RFC3: variants seen among roughly 807,000 people sequenced by gnomAD.
RFC3 encodes the protein replication factor C subunit 3.
In RFC3, 41 loss-of-function variants were observed where a neutral mutation model predicts 45.1. That is an observed-to-expected ratio of 0.91 (90% CI 0.71 to 1.18). The LOEUF (loss-of-function observed/expected upper bound fraction) is 1.18, where lower values mean the gene tolerates loss of function less well. Among genes scored for constraint, RFC3 ranks in the 50% most tolerant of loss-of-function variants. The probability of loss-of-function intolerance (pLI) is 0.00; values close to 1 mark genes in which losing one functional copy is unlikely to be tolerated. For synonymous variants in RFC3, 149 were observed against 144.0 expected (o/e 1.03, Z -0.25); for missense variants, 423 against 428.1 (o/e 0.99, Z 0.10).
intron 3 of RFC3, among the ~76,000 whole-genome samples, chr13:33,824,707 A>G (rs765787093): frequency 1.6e-4 from 24 of 152,274 alleles, no homozygotes; most frequent in Middle Eastern, 3.4e-3. Flanking sequence ...GAGGAATACC[A>G]TTACAAGCTA....
At chr13:33,899,204 CA>C (rs59221382) in intron 8 of RFC3, among the ~76,000 whole-genome samples, 16,414 of 51,552 alleles carry the variant, frequency 0.32, 743 homozygotes, top group Non-Finnish European at 0.41. Context: ...CACAATAAGA[CA>C]AAAAAAAAAA....
intron 8 of RFC3, among the ~76,000 whole-genome samples, chr13:33,888,112 G>A (rs571521367): frequency 6.6e-5 from 10 of 152,142 alleles, no homozygotes; most frequent in Admixed American, 3.9e-4. Context: ...GGTGATGCAG[G>A]CTCTTTTTTG....
rs74834370 is a variant in RFC3, at chr13:33,863,497, C to A, written c.879+28280C>A. 6.0e-3 allele frequency among the ~76,000 whole-genome samples: 913 copies of A among 152,320 alleles called. 5 individuals are homozygous for A. The highest frequency in any genetic ancestry group is 0.021 in the African/African-American group (880 of 41,586). On this transcript the variant is annotated intron_variant, in intron 8 of 8. Coordinates refer to the RFC3 transcript ENST00000434425. Reference sequence around the variant, plus strand: ...AGCCATATGTTCTGTGGGTCTGTGTCATTTAACCACACCTGCATCAGCTGA... The same window carrying A: ...AGCCATATGTTCTGTGGGTCTGTGTAATTTAACCACACCTGCATCAGCTGA...
chr13:33,901,443 G>C (rs868852185), intron 8 of RFC3, among the ~76,000 whole-genome samples: 1 of 152,030 alleles, frequency 6.6e-6, no homozygotes, highest in Non-Finnish European at 1.5e-5. Context: ...AGCACAGAAA[G>C]ACAAATATTA....
intron 8 of RFC3, among the ~76,000 whole-genome samples, chr13:33,900,859 A>G (rs2082636629): frequency 6.6e-6 from 1 of 151,594 alleles, no homozygotes; most frequent in Non-Finnish European, 1.5e-5. Flanking sequence ...AATAAATATA[A>G]TAATCCAATT....
chr13:33,818,478 C>G (rs940747057), intron 1 of RFC3, among the ~76,000 whole-genome samples: 3 of 152,190 alleles, frequency 2.0e-5, no homozygotes, highest in Non-Finnish European at 4.4e-5. Context: ...TGAGCCGAGA[C>G]TTGAAGGAAA....
Position 33,836,242 on chromosome 13 carries a change from A to T in RFC3, c.1018A>T (p.Met340Leu), listed in dbSNP as rs546322524. 7 of 1,613,368 alleles carry T rather than the reference A, an allele frequency of 4.3e-6. No individual in the cohort carries two copies. The South Asian group carries it at 7.7e-5, about 18-fold the overall frequency. Reference sequence around the variant, plus strand: ...CTTGGAAGCGTTTGTGGCCAAATTCATGGCACTTTATAAGAAGTTCATGGA... The same window carrying T: ...CTTGGAAGCGTTTGTGGCCAAATTCTTGGCACTTTATAAGAAGTTCATGGA... ...YHLEAFVAKF[M>L]ALYKKFMEDG... Residue 340 changes from methionine (M) to leucine (L), a missense_variant, in exon 9 of 9, where the codon ATG (methionine) becomes TTG (leucine). Coordinates refer to ENST00000380071, the MANE Select transcript of RFC3 (RefSeq NM_002915.4).
intron 8 of RFC3, among the ~76,000 whole-genome samples, chr13:33,917,813 A>G (rs915124798): frequency 1.3e-5 from 2 of 152,106 alleles, no homozygotes; most frequent in African/African-American, 4.8e-5. Context: ...CTACTCCACT[A>G]GCAGCTTTCA....
At chr13:33,839,457 A>G (rs545339227), downstream of RFC3, among the ~76,000 whole-genome samples, 1 of 152,344 alleles carries the variant, frequency 6.6e-6, no homozygotes, top group South Asian at 2.1e-4. Context: ...GCCAAGTGAC[A>G]GGTGTATGGT....
chr13:33,913,734 C>T (rs1292435296), intron 8 of RFC3, among the ~76,000 whole-genome samples: 1 of 151,978 alleles, frequency 6.6e-6, no homozygotes, highest in Admixed American at 6.6e-5. Context: ...AATAGTGAGC[C>T]CTCAATCTCT....
intron 8 of RFC3, among the ~76,000 whole-genome samples, chr13:33,883,597 G>A (rs2082499958): frequency 1.3e-5 from 2 of 152,174 alleles, no homozygotes; most frequent in African/African-American, 4.8e-5. Context: ...CAATATCCTG[G>A]TTGTGACATT....
intron 8 of RFC3, among the ~76,000 whole-genome samples, chr13:33,960,377 G>A (rs1398917792): frequency 6.6e-6 from 1 of 152,136 alleles, no homozygotes; most frequent in African/African-American, 2.4e-5. Flanking sequence ...AAGGATAAAC[G>A]AAGAGTCTTG....
intron 8 of RFC3, among the ~76,000 whole-genome samples, chr13:33,870,019 A>G (rs958304307): frequency 2.0e-5 from 3 of 152,236 alleles, no homozygotes; most frequent in African/African-American, 7.2e-5. Flanking sequence ...TCCTTGATCA[A>G]ATGGACAAAA....
At chr13:33,844,997 A>T (rs141864398) in intron 8 of RFC3, among the ~76,000 whole-genome samples, 1 of 152,290 alleles carries the variant, frequency 6.6e-6, no homozygotes, top group Non-Finnish European at 1.5e-5. Flanking sequence ...GCTTTTGTTT[A>T]TCTGGGAAAG....
intron 8 of RFC3, among the ~76,000 whole-genome samples, chr13:33,930,712 T>C (rs1322989569): frequency 6.6e-6 from 1 of 152,162 alleles, no homozygotes; most frequent in Admixed American, 6.5e-5. Context: ...TGTCAACTCC[T>C]GACCTTCAAA....
chr13:33,976,396 G>C, the RFC3 span, among the ~76,000 whole-genome samples: 122 of 152,254 alleles, frequency 8.0e-4, no homozygotes, highest in Admixed American at 1.9e-3. Context: ...GTAGAATGGG[G>C]GTTATCAGAG....
intron 4 of RFC3, among the ~76,000 whole-genome samples, chr13:33,828,069 A>C (rs1205848741): frequency 5.3e-5 from 8 of 151,962 alleles, no homozygotes; most frequent in Non-Finnish European, 1.0e-4. Context: ...GATTGCTTGA[A>C]CCCAGGAGTT....
intron 8 of RFC3, among the ~76,000 whole-genome samples, chr13:33,898,009 A>T (rs1220064017): frequency 6.6e-6 from 1 of 151,960 alleles, no homozygotes; most frequent in Non-Finnish European, 1.5e-5. Context: ...ACTTTAAAAA[A>T]ACACTAACAG....
At chr13:33,945,693 G>GCCTGATA (rs1184015439) in intron 8 of RFC3, among the ~76,000 whole-genome samples, 1 of 152,188 alleles carries the variant, frequency 6.6e-6, no homozygotes, top group Non-Finnish European at 1.5e-5. Context: ...TGCCTTTAGG[G>GCCTGATA]ATATACGCTG....
Sources: gnomAD v4.1 joint callset for allele counts (sites outside exome capture counted in the v4.1 genomes callset) on GRCh38, gnomAD v4.1.1 for gene constraint, MANE v1.5 for transcripts, NCBI Gene and HGNC (gene_info 2026-07-23, HGNC 2026-07-21) for gene names.